Variants in KCNH1 observed in about 807,000 individuals in gnomAD.
KCNH1 encodes potassium voltage-gated channel subfamily H member 1, also known as voltage-gated delayed rectifier potassium channel KCNH1.
A neutral mutation model predicts 69.2 loss-of-function variants in KCNH1; 27 were observed. That is an observed-to-expected ratio of 0.39 (90% CI 0.29 to 0.54). The LOEUF (loss-of-function observed/expected upper bound fraction) is 0.54, where lower values mean the gene tolerates loss of function less well. KCNH1 is among the 20% of genes least tolerant of loss of function. The pLI is 0.68. For missense variants in KCNH1, 798 were observed against 1,261.6 expected (o/e 0.63, Z 5.57); for synonymous variants, 456 against 487.7 (o/e 0.93, Z 0.86).
At chr1:210,976,988 T>C in intron 6 of KCNH1, among the ~76,000 whole-genome samples, 1 of 151,860 alleles carries the variant, frequency 6.6e-6, no homozygotes, top group East Asian at 1.9e-4. Flanking sequence ...AACATGCTCC[T>C]ATAAAGACAC....
rs529506563 is a variant in KCNH1, at chr1:211,053,579, G to A, written c.558+29201C>T. ...TATCTAGAACTTTTGGTAGAAAAAA[G>A]GGTTATCTGTAAAAAATCAGAACCC... On this transcript the variant is annotated intron_variant, in intron 5 of 10. Coordinates refer to ENST00000271751, the MANE Select transcript of KCNH1 (RefSeq NM_172362.3). 2.0e-5 allele frequency among the ~76,000 whole-genome samples: 3 copies of A among 152,252 alleles called. No individual in the cohort carries two copies. In the South Asian group the frequency reaches 6.2e-4, roughly 32 times the overall value.
intron 5 of KCNH1, among the ~76,000 whole-genome samples, chr1:211,056,094 G>A (rs77160541): frequency 0.048 from 7,337 of 152,240 alleles, 269 homozygotes; most frequent in Non-Finnish European, 0.07. Flanking sequence ...GTCACAGTAG[G>A]GTAGAGTGCC....
chr1:210,906,977 A>G (rs1687115931), intron 7 of KCNH1, among the ~76,000 whole-genome samples: 2 of 152,238 alleles, frequency 1.3e-5, no homozygotes, highest in Admixed American at 1.3e-4. Flanking sequence ...AAGAGAAAAA[A>G]TAGAAAAATC....
At chr1:211,028,814 A>G (rs534459744) in intron 5 of KCNH1, among the ~76,000 whole-genome samples, 10 of 152,192 alleles carry the variant, frequency 6.6e-5, no homozygotes, top group African/African-American at 2.4e-4. Context: ...TGGTTTTAAT[A>G]AATAATGGTG....
chr1:210,695,352 G>C (rs1034583671), intron 10 of KCNH1, among the ~76,000 whole-genome samples: 2 of 152,210 alleles, frequency 1.3e-5, no homozygotes, highest in Non-Finnish European at 2.9e-5. Context: ...TGGTGACTCA[G>C]AATGGTAACT....
At chr1:210,816,999 T>C (rs1333369946) in intron 7 of KCNH1, among the ~76,000 whole-genome samples, 1 of 152,228 alleles carries the variant, frequency 6.6e-6, no homozygotes, top group Non-Finnish European at 1.5e-5. Flanking sequence ...TGCTAATTTT[T>C]GCCAACTCTA....
In KCNH1 at chr1:210,998,474, T is replaced by C. The variant is rs571932112; in HGVS notation, c.1032+20309A>G. ...CAAGAAGAGCTAACTATCCTAAATA[T>C]ATATGCATCCAACACAGGAGCACCC... On this transcript the variant is annotated intron_variant, in intron 6 of 10. Coordinates refer to ENST00000271751, the MANE Select transcript of KCNH1 (RefSeq NM_172362.3). Among the ~76,000 whole-genome samples, 6 of 152,310 alleles carry C rather than the reference T, an allele frequency of 3.9e-5. No individual in the cohort carries two copies. In the South Asian group the frequency reaches 1.2e-3, roughly 32 times the overall value.
intron 10 of KCNH1, among the ~76,000 whole-genome samples, chr1:210,687,926 T>A (rs1681441886): frequency 6.6e-6 from 1 of 151,980 alleles, no homozygotes; most frequent in South Asian, 2.1e-4. Context: ...ACTCCCTAAC[T>A]CAGGATGCTC....
chr1:210,874,598 A>G (rs1686326937), intron 7 of KCNH1, among the ~76,000 whole-genome samples: 1 of 152,226 alleles, frequency 6.6e-6, no homozygotes, highest in Non-Finnish European at 1.5e-5. Context: ...AAAGAATTCG[A>G]TAAGTAAAAT....
intron 10 of KCNH1, among the ~76,000 whole-genome samples, chr1:210,709,032 T>C (rs7519466): frequency 0.29 from 43,428 of 151,956 alleles, 9,170 homozygotes; most frequent in African/African-American, 0.59. Flanking sequence ...GGGTGGATCA[T>C]TTGAGGCCAG....
intron 10 of KCNH1, among the ~76,000 whole-genome samples, chr1:210,694,716 A>G (rs1361097836): frequency 2.6e-5 from 4 of 152,022 alleles, no homozygotes; most frequent in African/African-American, 9.7e-5. Flanking sequence ...CCAAACCTAA[A>G]TTTTTCACTG....
chr1:211,116,052 CT>C (rs1190377610), intron 1 of KCNH1, among the ~76,000 whole-genome samples: 6 of 152,014 alleles, frequency 3.9e-5, no homozygotes, highest in Non-Finnish European at 8.8e-5. Flanking sequence ...GGGAGGATCA[CT>C]TGAGCAAAAG....
chr1:210,746,148 T>C (rs1031000449), intron 10 of KCNH1, among the ~76,000 whole-genome samples: 2 of 152,180 alleles, frequency 1.3e-5, no homozygotes, highest in Non-Finnish European at 2.9e-5. Flanking sequence ...GGAACTGTCA[T>C]GGTGGCCAGC....
chr1:210,926,877 T>G (rs903571917), intron 6 of KCNH1, among the ~76,000 whole-genome samples: 126 of 151,878 alleles, frequency 8.3e-4, no homozygotes, highest in Non-Finnish European at 6.0e-4. Flanking sequence ...TAAAAAACAA[T>G]CACAACTTCT....
At chr1:210,721,827 A>G (rs1049073213) in intron 10 of KCNH1, among the ~76,000 whole-genome samples, 32 of 152,034 alleles carry the variant, frequency 2.1e-4, no homozygotes, top group African/African-American at 7.7e-4. Flanking sequence ...AAATAAATAA[A>G]TAAATGAAAA....
At chr1:210,717,263 T>TAA (rs1682280455) in intron 10 of KCNH1, among the ~76,000 whole-genome samples, 2 of 152,212 alleles carry the variant, frequency 1.3e-5, no homozygotes, top group African/African-American at 2.4e-5. Flanking sequence ...TGAAAGCATA[T>TAA]AACTGACTGG....
chr1:211,015,594 A>G (rs1689477877), intron 6 of KCNH1, among the ~76,000 whole-genome samples: 1 of 152,068 alleles, frequency 6.6e-6, no homozygotes. Flanking sequence ...AAGCTTCTGG[A>G]GGTAAGACTA....
At chr1:210,960,443 C>G (rs989755042) in intron 6 of KCNH1, among the ~76,000 whole-genome samples, 1 of 152,204 alleles carries the variant, frequency 6.6e-6, no homozygotes, top group African/African-American at 2.4e-5. Flanking sequence ...CACCTCTTTC[C>G]CCAGGCAACC....
At chr1:211,037,954 C>T (rs908350533) in intron 5 of KCNH1, among the ~76,000 whole-genome samples, 4 of 147,456 alleles carry the variant, frequency 2.7e-5, no homozygotes, top group Admixed American at 2.1e-4. Flanking sequence ...TTTTGCTTCT[C>T]CCTCTTTTTT....
Sources: allele counts gnomAD v4.1 joint callset (sites outside exome capture counted in the v4.1 genomes callset), GRCh38; gene constraint gnomAD v4.1.1; transcripts MANE v1.5; gene names NCBI Gene and HGNC (gene_info 2026-07-23, HGNC 2026-07-21).